The following CYSLTR2 variants were observed in gnomAD, a reference collection of about 807,000 sequenced individuals.
The protein encoded by CYSLTR2 is cysteinyl leukotriene receptor 2, also known as G-protein coupled receptor GPCR21.
For missense variants in CYSLTR2, 398 were observed against 411.9 expected (o/e 0.97, Z 0.29); for synonymous variants, 179 against 160.8 (o/e 1.11, Z -0.86).
At chr13:48,706,751 A>G in intron 4 of CYSLTR2, 66 bp from the exon 5 acceptor site, 1 of 1,271,324 alleles carries the variant, frequency 7.9e-7, no homozygotes, top group Non-Finnish European at 1.1e-6. Flanking sequence ...AGATGTAATC[A>G]GTAAGCAAGA....
At chr13:48,704,772 G>C (rs1954439279) in intron 4 of CYSLTR2, among the ~76,000 whole-genome samples, 2 of 151,954 alleles carry the variant, frequency 1.3e-5, no homozygotes, top group Non-Finnish European at 2.9e-5. Context: ...TGCTGCTGTT[G>C]ATTTCTAGTT....
At chr13:48,688,398 C>A (rs756117826) in intron 1 of CYSLTR2, among the ~76,000 whole-genome samples, 3 of 152,160 alleles carry the variant, frequency 2.0e-5, no homozygotes, top group Non-Finnish European at 4.4e-5. Flanking sequence ...CTAAGGCTAT[C>A]CGTCCTCTAG....
chr13:48,673,267 T>G (rs1244240875), intron 1 of CYSLTR2, among the ~76,000 whole-genome samples: 5 of 152,092 alleles, frequency 3.3e-5, no homozygotes, highest in Admixed American at 2.0e-4. Flanking sequence ...TCTAAGAACT[T>G]GCTTTATGAA....
At chr13:48,654,833 T>A (rs889469220) in intron 1 of CYSLTR2, among the ~76,000 whole-genome samples, 1 of 152,216 alleles carries the variant, frequency 6.6e-6, no homozygotes, top group Non-Finnish European at 1.5e-5. Context: ...TATTTTATCT[T>A]GTTTTCCAGA....
chr13:48,667,420 G>C (rs1476251535), intron 1 of CYSLTR2, among the ~76,000 whole-genome samples: 1 of 152,194 alleles, frequency 6.6e-6, no homozygotes, highest in Non-Finnish European at 1.5e-5. Context: ...GGCTTGCAGG[G>C]ATATTTCTCA....
intron 3 of CYSLTR2, among the ~76,000 whole-genome samples, chr13:48,695,300 C>T (rs7491603): frequency 2.9e-5 from 4 of 139,872 alleles, no homozygotes; most frequent in African/African-American, 8.0e-5. Context: ...TCTTCTCTTT[C>T]TTCTTTCTTT....
chr13:48,681,345 G>T (rs1953750291), intron 1 of CYSLTR2, among the ~76,000 whole-genome samples: 1 of 152,122 alleles, frequency 6.6e-6, no homozygotes, highest in African/African-American at 2.4e-5. Context: ...CCCTTGTCTT[G>T]GCGTTCTTGG....
At chr13:48,704,453 T>C (rs974445095) in intron 4 of CYSLTR2, among the ~76,000 whole-genome samples, 3 of 152,130 alleles carry the variant, frequency 2.0e-5, no homozygotes, top group African/African-American at 7.2e-5. Context: ...CATTTTTTTC[T>C]CTATTTTTTT....
At chr13:48,654,342 T>C (rs1054997418) in intron 1 of CYSLTR2, among the ~76,000 whole-genome samples, 9 of 149,854 alleles carry the variant, frequency 6.0e-5, no homozygotes, top group Non-Finnish European at 1.2e-4. Flanking sequence ...CATATAACTT[T>C]AGTTTTCATA....
intron 1 of CYSLTR2, among the ~76,000 whole-genome samples, chr13:48,681,524 C>G (rs373564995): frequency 6.6e-6 from 1 of 152,264 alleles, no homozygotes; most frequent in Admixed American, 6.5e-5. Context: ...CTGCCTTCCT[C>G]CCCAGTTGCT....
In CYSLTR2 at chr13:48,706,821, G is replaced by C; in HGVS notation, c.4G>C (p.Glu2Gln). M[E>Q]RKFMSLQPSI... ...GTCTGTTTCTTTTTAACCCAGCATGGAGAGAAAATTTATGTCCTTGCAACC... is the reference window on the plus strand; with the variant it reads ...GTCTGTTTCTTTTTAACCCAGCATGCAGAGAAAATTTATGTCCTTGCAACC... The change falls in exon 5 of 5, where the codon GAG (glutamate) becomes CAG (glutamine). Residue 2 changes from glutamate (E) to glutamine (Q), a missense_variant. Coordinates refer to ENST00000682523, the MANE Select transcript of CYSLTR2 (RefSeq NM_001308476.3). 1 of 1,606,720 alleles carries C rather than the reference G, an allele frequency of 6.2e-7. No homozygotes were observed.
At chr13:48,671,531 T>A (rs1448280184) in intron 1 of CYSLTR2, among the ~76,000 whole-genome samples, 1 of 152,258 alleles carries the variant, frequency 6.6e-6, no homozygotes, top group African/African-American at 2.4e-5. Flanking sequence ...TCTATTGAGA[T>A]ATTCATGTGG....
At chr13:48,683,055 G>A (rs1392634672) in intron 1 of CYSLTR2, among the ~76,000 whole-genome samples, 1 of 152,122 alleles carries the variant, frequency 6.6e-6, no homozygotes, top group Non-Finnish European at 1.5e-5. Flanking sequence ...CAAAGGACAC[G>A]ATCTCATTCT....
intron 1 of CYSLTR2, among the ~76,000 whole-genome samples, chr13:48,688,783 T>C (rs1953961694): frequency 6.6e-6 from 1 of 152,222 alleles, no homozygotes; most frequent in African/African-American, 2.4e-5. Flanking sequence ...AGTAATGGGA[T>C]GGCTGGGTCA....
intron 3 of CYSLTR2, among the ~76,000 whole-genome samples, chr13:48,695,570 A>G (rs1444536577): frequency 6.6e-6 from 1 of 151,956 alleles, no homozygotes; most frequent in Non-Finnish European, 1.5e-5. Context: ...AGCTACCTCT[A>G]CTTCCCTCCA....
intron 1 of CYSLTR2, among the ~76,000 whole-genome samples, chr13:48,665,465 A>G (rs1953237952): frequency 1.3e-5 from 2 of 152,068 alleles, no homozygotes. Context: ...CTTTAGATTT[A>G]ATATTTGCTT....
intron 1 of CYSLTR2, among the ~76,000 whole-genome samples, chr13:48,666,437 A>ATC (rs1010824776): frequency 1.3e-5 from 2 of 152,108 alleles, no homozygotes; most frequent in African/African-American, 2.4e-5. Context: ...CTGGATGCCC[A>ATC]TCTCTCTCTC....
Position 48,709,164 on chromosome 13 carries a change from T to C in CYSLTR2, c.*1306T>C, listed in dbSNP as rs1393646027. On this transcript the variant is annotated 3_prime_UTR_variant, in exon 5 of 5. Transcript: ENST00000682523. ...GTTGGCTGGGTGCTCTCCCCACCAC[T>C]ACCCTTGTAAACTTCCAGGAAGATT... 6.0e-6 allele frequency: 1 copy of C among 167,210 alleles called. No individual in the cohort carries two copies. The allele number at this position is 167,210 out of a possible 1,614,324, so 10.4% of individuals were successfully genotyped here.
chr13:48,664,982 T>C (rs1434348609), intron 1 of CYSLTR2, among the ~76,000 whole-genome samples: 1 of 152,120 alleles, frequency 6.6e-6, no homozygotes, highest in Non-Finnish European at 1.5e-5. Context: ...GCTTTTGCTG[T>C]GCCCCATAGT....
Sources: gnomAD v4.1 joint callset for allele counts (sites outside exome capture counted in the v4.1 genomes callset) on GRCh38, gnomAD v4.1.1 for gene constraint, MANE v1.5 for transcripts, NCBI Gene and HGNC (gene_info 2026-07-23, HGNC 2026-07-21) for gene names.